The following TAFA1 variants were observed in gnomAD, a reference collection of about 807,000 sequenced individuals.
TAFA1 encodes the protein chemokine-like protein TAFA-1.
In TAFA1, 4 loss-of-function variants were observed where a neutral mutation model predicts 18.5. That is an observed-to-expected ratio of 0.22 (90% CI 0.11 to 0.49). TAFA1 has a LOEUF of 0.49. TAFA1 is among the 20% of genes least tolerant of loss of function. TAFA1 has a pLI of 0.98. For synonymous variants in TAFA1, 56 were observed against 55.2 expected, an observed-to-expected ratio of 1.01 and a Z score of -0.06; for missense variants, 147 against 169.0, an observed-to-expected ratio of 0.87 and a Z score of 0.72.
chr3:68,074,975 C>A (rs2064806517), intron 2 of TAFA1, among the ~76,000 whole-genome samples: 1 of 152,148 alleles, frequency 6.6e-6, no homozygotes, highest in Admixed American at 6.5e-5. Context: ...GATGATTAAC[C>A]TTCCCCATGA....
intron 2 of TAFA1, among the ~76,000 whole-genome samples, chr3:68,031,391 AAAG>A (rs752323856): frequency 6.6e-6 from 1 of 152,222 alleles, no homozygotes; most frequent in Non-Finnish European, 1.5e-5. Flanking sequence ...TACAGGTGCC[AAAG>A]AAGAAGATGA....
chr3:68,328,728 T>C (rs1026371745), intron 2 of TAFA1, among the ~76,000 whole-genome samples: 19 of 152,154 alleles, frequency 1.2e-4, no homozygotes, highest in Middle Eastern at 3.2e-3. Context: ...CTTTATTTTT[T>C]TATTCATTTT....
chr3:68,000,463 A>G (rs1469954720), upstream of TAFA1, among the ~76,000 whole-genome samples: 1 of 152,226 alleles, frequency 6.6e-6, no homozygotes, highest in African/African-American at 2.4e-5. Context: ...ATCCTATTCA[A>G]GGATCCAAGA....
intron 2 of TAFA1, among the ~76,000 whole-genome samples, chr3:68,314,694 A>T (rs4378971): frequency 0.82 from 125,250 of 152,076 alleles, 51,886 homozygotes; most frequent in East Asian, 0.92. Flanking sequence ...GCTTTTATAT[A>T]TGAAATCTTA....
intron 2 of TAFA1, among the ~76,000 whole-genome samples, chr3:68,182,069 G>T (rs2066209140): frequency 6.6e-6 from 1 of 152,104 alleles, no homozygotes; most frequent in Non-Finnish European, 1.5e-5. Context: ...TTAGCTGGGT[G>T]TGGGTGGCAC....
At chr3:68,466,621 C>T (rs900208052) in intron 3 of TAFA1, among the ~76,000 whole-genome samples, 4 of 152,124 alleles carry the variant, frequency 2.6e-5, no homozygotes, top group Non-Finnish European at 5.9e-5. Context: ...ACACTCCCAT[C>T]CTAATGTTGA....
At chr3:68,416,468 T>C (rs2070840948) in intron 2 of TAFA1, among the ~76,000 whole-genome samples, 1 of 152,226 alleles carries the variant, frequency 6.6e-6, no homozygotes, top group Non-Finnish European at 1.5e-5. Flanking sequence ...AGTTGATTCC[T>C]GGTTTCTGGT....
chr3:68,314,878 C>T (rs937643024), intron 2 of TAFA1, among the ~76,000 whole-genome samples: 4 of 150,300 alleles, frequency 2.7e-5, no homozygotes, highest in East Asian at 3.9e-4. Context: ...AGTTATTCTT[C>T]GGTCATAAGA....
intron 2 of TAFA1, among the ~76,000 whole-genome samples, chr3:68,290,378 T>C (rs2068085064): frequency 6.6e-6 from 1 of 152,198 alleles, no homozygotes; most frequent in African/African-American, 2.4e-5. Context: ...GTAATCATTA[T>C]TCTTGTTCAC....
chr3:68,238,715 A>G (rs2066960211), intron 2 of TAFA1, among the ~76,000 whole-genome samples: 1 of 152,172 alleles, frequency 6.6e-6, no homozygotes, highest in African/African-American at 2.4e-5. Context: ...TCTTAACAGA[A>G]ACATGGACAT....
At chr3:68,495,998 C>CAAAAAAAAAAAA (rs199520960) in intron 3 of TAFA1, among the ~76,000 whole-genome samples, 10 of 107,564 alleles carry the variant, frequency 9.3e-5, no homozygotes, top group Admixed American at 1.9e-4. Context: ...TTCCCTGAAG[C>CAAAAAAAAAAAA]AAAAAAAAAA....
intron 3 of TAFA1, among the ~76,000 whole-genome samples, chr3:68,449,478 T>C (rs186394351): frequency 5.3e-5 from 8 of 152,264 alleles, no homozygotes; most frequent in Admixed American, 2.6e-4. Flanking sequence ...ATGATCAAAC[T>C]TATGTTTTAG....
chr3:68,128,329 T>G (rs924200234), intron 2 of TAFA1, among the ~76,000 whole-genome samples: 1 of 152,160 alleles, frequency 6.6e-6, no homozygotes, highest in African/African-American at 2.4e-5. Context: ...TAAGGGACTT[T>G]AGAGTGTGAT....
intron 2 of TAFA1, among the ~76,000 whole-genome samples, chr3:68,128,863 T>C (rs1366270568): frequency 6.6e-6 from 1 of 152,202 alleles, no homozygotes; most frequent in Non-Finnish European, 1.5e-5. Context: ...TACTCAAAAC[T>C]GATTTCTAGA....
chr3:68,026,591 C>A (rs1704821897), intron 2 of TAFA1, among the ~76,000 whole-genome samples: 1 of 152,058 alleles, frequency 6.6e-6, no homozygotes. Context: ...TGACAATGAC[C>A]TGAGGAGGTA....
intron 2 of TAFA1, among the ~76,000 whole-genome samples, chr3:68,281,906 C>G (rs980980681): frequency 6.6e-6 from 1 of 152,026 alleles, no homozygotes; most frequent in African/African-American, 2.4e-5. Flanking sequence ...TCCATTCTCA[C>G]GCTGCTAATA....
At chr3:68,331,646 C>T (rs1449657073) in intron 2 of TAFA1, among the ~76,000 whole-genome samples, 2 of 152,052 alleles carry the variant, frequency 1.3e-5, no homozygotes, top group Non-Finnish European at 2.9e-5. Context: ...CACAAAAAGA[C>T]TCTGAATAGC....
intron 2 of TAFA1, among the ~76,000 whole-genome samples, chr3:68,252,646 A>T (rs967532831): frequency 7.9e-5 from 12 of 152,166 alleles, no homozygotes; most frequent in Non-Finnish European, 1.8e-4. Context: ...AATAGTGGCT[A>T]TAAGTACTTT....
chr3:68,007,997 G>C (rs1704396540), intron 2 of TAFA1, among the ~76,000 whole-genome samples: 1 of 152,252 alleles, frequency 6.6e-6, no homozygotes, highest in Non-Finnish European at 1.5e-5. Flanking sequence ...GCGCAAGCCT[G>C]CTGGGTGCTG....
Sources: allele counts gnomAD v4.1 joint callset (sites outside exome capture counted in the v4.1 genomes callset), GRCh38; gene constraint gnomAD v4.1.1; transcripts MANE v1.5; gene names NCBI Gene and HGNC (gene_info 2026-07-23, HGNC 2026-07-21).